The following MACF1 variants were observed in gnomAD, a reference collection of about 807,000 sequenced individuals.
MACF1 encodes microtubule actin crosslinking factor 1, also known as microtubule-actin cross-linking factor 1.
MACF1 carries 193 observed loss-of-function variants against 854.8 expected under a neutral mutation model. The observed-to-expected ratio is 0.23, with a 90% CI of 0.20 to 0.25. The LOEUF (loss-of-function observed/expected upper bound fraction) is 0.25. MACF1 is among the 10% of genes least tolerant of loss of function. The pLI is 1.00. For missense variants in MACF1, 7,722 were observed against 8,929.1 expected, an observed-to-expected ratio of 0.86 and a Z score of 5.45; for synonymous variants, 3,185 against 3,226.7, an observed-to-expected ratio of 0.99 and a Z score of 0.44.
intron 1 of MACF1, among the ~76,000 whole-genome samples, chr1:39,213,010 C>CT (rs1644534869): frequency 6.6e-6 from 1 of 152,196 alleles, no homozygotes; most frequent in Non-Finnish European, 1.5e-5. Flanking sequence ...TTTGTTTATT[C>CT]TGGTTTAGGT....
intron 100 of MACF1, chr1:39,485,320 A>C: frequency 1.8e-6 from 1 of 566,978 alleles, no homozygotes; most frequent in Non-Finnish European, 3.1e-6. Context: ...AGTGCTGCTG[A>C]TAGAGTGGCT....
At chr1:39,306,894 G>A (rs936376922) in intron 23 of MACF1, among the ~76,000 whole-genome samples, 1 of 126,678 alleles carries the variant, frequency 7.9e-6, no homozygotes, top group African/African-American at 2.8e-5. Flanking sequence ...TATTATTATT[G>A]AGATAGAGTC....
intron 61 of MACF1, among the ~76,000 whole-genome samples, chr1:39,425,157 T>A (rs1643683343): frequency 6.6e-6 from 1 of 152,196 alleles, no homozygotes; most frequent in African/African-American, 2.4e-5. Flanking sequence ...TTTACTTTTC[T>A]TTTTTTAATT....
chr1:39,370,082 G>A lies in MACF1; in HGVS notation c.12991G>A (p.Val4331Ile), dbSNP rs749616373. ...ACAGTTGGATGAATTCCGGAAGCTGGTCAGGACCTTCCAGAAATGGTTGAA... is the reference window on the plus strand; with the variant it reads ...ACAGTTGGATGAATTCCGGAAGCTGATCAGGACCTTCCAGAAATGGTTGAA... ...QEQLDEFRKL[V>I]RTFQKWLKET... Residue 4331 changes from valine to isoleucine, a missense_variant, in exon 51 of 101, where the codon GTC becomes ATC. By Grantham distance (29) the Val-to-Ile change is conservative. This residue lies in a region of MACF1 where 2,807 missense variants were observed against 3,235.8 expected (regional missense o/e 0.87). Coordinates refer to ENST00000564288, the MANE Select transcript of MACF1 (RefSeq NM_001394062.1). The A allele has an allele frequency of 3.7e-6, 6 of 1,614,134 alleles. No individual in the cohort carries two copies. The highest frequency in any genetic ancestry group is 5.1e-6 in the Non-Finnish European group (6 of 1,179,994).
chr1:39,336,192 C>T lies in MACF1; in HGVS notation c.9604C>T (p.Leu3202=). 1.2e-6 allele frequency: 2 copies of T among 1,614,092 alleles called. No individual in the cohort carries two copies. Among genetic ancestry groups the T allele is most frequent in the South Asian group, 1.1e-5 (1 of 91,060 alleles). ...SRPDSKEVRY[L]EFSDRKDLHH... is the part of the protein sequence containing the mutation. ...ACCAGATTCAAAAGAAGTCAGGTATCTAGAATTCTCAGACAGAAAAGACCT... is the reference window on the plus strand; with the variant it reads ...ACCAGATTCAAAAGAAGTCAGGTATTTAGAATTCTCAGACAGAAAAGACCT... The change falls in exon 37 of 101, where the codon CTA becomes TTA. Residue 3202 remains leucine (L), a synonymous_variant. Coordinates refer to ENST00000564288, the MANE Select transcript of MACF1 (RefSeq NM_001394062.1).
intron 68 of MACF1, among the ~76,000 whole-genome samples, chr1:39,434,115 G>T (rs1020159844): frequency 6.6e-6 from 1 of 151,802 alleles, no homozygotes; most frequent in South Asian, 2.1e-4. Context: ...CTATATCTAA[G>T]GTTGTGTATC....
At chr1:39,175,830 G>A (rs1644015947) in intron 2 of MACF1, among the ~76,000 whole-genome samples, 1 of 150,926 alleles carries the variant, frequency 6.6e-6, no homozygotes, top group South Asian at 2.1e-4. Flanking sequence ...AGGTGCAGTG[G>A]CTCACGCCTG....
intron 58 of MACF1, chr1:39,411,791 AT>A: frequency 1.9e-6 from 3 of 1,613,604 alleles, no homozygotes; most frequent in Non-Finnish European, 2.5e-6. Context: ...GTAATTAGTC[AT>A]TTTTCAGGGG....
chr1:39,422,733 G>T lies in MACF1; in HGVS notation c.15982G>T (p.Ala5328Ser), dbSNP rs1321296224. 1 of 1,613,672 alleles carries T rather than the reference G, an allele frequency of 6.2e-7. No homozygotes were observed. Among genetic ancestry groups the T allele is most frequent in the Middle Eastern group, 1.6e-4 (1 of 6,062 alleles). The change falls in exon 60 of 101, where the codon GCA becomes TCA. Residue 5328 changes from alanine to serine, a missense_variant. Transcript: ENST00000564288. ...ARWNTLNKKV[A>S]QRIAQLQEAL... ...AACCTACATGTTCATGATACAGGTC[G>T]CACAAAGAATTGCACAGCTACAGGA...
intron 6 of MACF1, among the ~76,000 whole-genome samples, chr1:39,258,915 GC>G (rs1237211998): frequency 6.6e-6 from 1 of 152,192 alleles, no homozygotes; most frequent in African/African-American, 2.4e-5. Flanking sequence ...GTTTCTTGAG[GC>G]TCTAGTTTGG....
chr1:39,315,754 G>C, intron 27 of MACF1, 63 bp downstream of exon 27: 1 of 1,496,956 alleles, frequency 6.7e-7, no homozygotes, highest in Non-Finnish European at 9.2e-7. Context: ...AAAGAGAAAG[G>C]CTTAAAGTAT....
chr1:39,190,384 TGTGTGTGTTTG>T (rs1339937047), intron 2 of MACF1, among the ~76,000 whole-genome samples: 12 of 127,100 alleles, frequency 9.4e-5, no homozygotes, highest in African/African-American at 3.3e-4. Context: ...TGTGTGTGTG[TGTGTGTGTTTG>T]TTTTTGTTTT....
intron 2 of MACF1, among the ~76,000 whole-genome samples, chr1:39,156,472 A>T (rs985232389): frequency 1.3e-5 from 2 of 152,202 alleles, no homozygotes; most frequent in African/African-American, 4.8e-5. Context: ...TACAAAAATT[A>T]GCGAGGCATA....
Position 39,327,467 on chromosome 1 carries a change from T to C in MACF1, c.4614+114T>C, listed in dbSNP as rs1646637291. On this transcript the variant is annotated intron_variant, in intron 36 of 100. Transcript: ENST00000564288. ...GCTTTCCATGACCAATGTGACTTAA[T>C]TTTTAACCTCACCTTAGCAGCCATT... The C allele has an allele frequency of 2.7e-6, 3 of 1,131,570 alleles. No homozygotes were observed. The East Asian group carries it at 7.5e-5, about 28-fold the overall frequency. 70.1% of individuals were successfully genotyped at this position (1,131,570 alleles called of 1,614,324 possible).
Position 39,333,959 on chromosome 1 carries a change from G to C in MACF1, c.7371G>C (p.Glu2457Asp). Residue 2457 changes from glutamate (E) to aspartate (D), a missense_variant, in exon 37 of 101, where the codon GAG becomes GAC. Coordinates refer to ENST00000564288, the MANE Select transcript of MACF1 (RefSeq NM_001394062.1). ...KGRDAEKTVR[E>D]RLISLQMETT... ...GAGATGCTGAAAAAACAGTTAGGGA[G>C]AGATTAATTAGTTTACAAATGGAAA... 6.2e-7 allele frequency: 1 copy of C among 1,614,200 alleles called. No individual in the cohort carries two copies. The highest frequency in any genetic ancestry group is 8.5e-7 in the Non-Finnish European group (1 of 1,180,030).
At chr1:39,394,269 TGA>T (rs1491471728) in intron 58 of MACF1, among the ~76,000 whole-genome samples, 14 of 149,660 alleles carry the variant, frequency 9.4e-5, no homozygotes, top group Non-Finnish European at 1.5e-4. Context: ...ATTGATTGAT[TGA>T]TTGATTTATT....
intron 36 of MACF1, among the ~76,000 whole-genome samples, chr1:39,330,078 A>C (rs544206902): frequency 6.6e-6 from 1 of 152,368 alleles, no homozygotes; most frequent in African/African-American, 2.4e-5. Flanking sequence ...GATTACTGTG[A>C]GAATTAAATG....
intron 6 of MACF1, among the ~76,000 whole-genome samples, chr1:39,258,800 G>A (rs575242402): frequency 6.6e-6 from 1 of 152,302 alleles, no homozygotes; most frequent in South Asian, 2.1e-4. Context: ...TCAGGGATGA[G>A]GCCAAGGTGA....
At chr1:39,360,200 ATAGCT>A (rs1034223856) in intron 47 of MACF1, among the ~76,000 whole-genome samples, 2 of 151,084 alleles carry the variant, frequency 1.3e-5, no homozygotes, top group Non-Finnish European at 3.0e-5. Context: ...CATATGTTAA[ATAGCT>A]TAGCTTAGCC....
Sources: gnomAD v4.1 joint callset for allele counts (sites outside exome capture counted in the v4.1 genomes callset) on GRCh38, gnomAD v4.1.1 for gene constraint, gnomAD v4.1.1 regional missense constraint, MANE v1.5 for transcripts, NCBI Gene and HGNC (gene_info 2026-07-23, HGNC 2026-07-21) for gene names.